TMEM63A: variants seen among roughly 807,000 people sequenced by gnomAD.
TMEM63A encodes mechanosensitive cation channel TMEM63A.
A neutral mutation model predicts 100.6 loss-of-function variants in TMEM63A; 76 were observed. The ratio of observed to expected loss-of-function variants is 0.76; its 90% CI spans 0.63 to 0.91. The LOEUF (loss-of-function observed/expected upper bound fraction) is 0.91. Ranked by LOEUF, TMEM63A falls within the 40% of genes least tolerant of loss-of-function variation. The pLI is 0.00. For synonymous variants in TMEM63A, 401 were observed against 401.1 expected (o/e 1.00, Z 0.00); for missense variants, 876 against 1,008.8 (o/e 0.87, Z 1.78).
chr1:225,877,692 G>A lies in TMEM63A; in HGVS notation c.-14-98C>T, dbSNP rs1039339504. The A allele has an allele frequency of 4.1e-5, 50 of 1,233,478 alleles. 1 individual carries two copies. The African/African-American group carries it at 6.7e-4, about 17-fold the overall frequency. The allele number at this position is 1,233,478 out of a possible 1,614,324, so 76.4% of individuals were successfully genotyped here. On this transcript the variant is annotated intron_variant, in intron 2 of 24. Coordinates refer to ENST00000366835, the MANE Select transcript of TMEM63A (RefSeq NM_014698.3). ...CAGAGCCAAAGGCAGGCGTTTCCCAGGGACTGATCGGGCAGTGAGCCAGCA... is the reference window on the plus strand; with the variant it reads ...CAGAGCCAAAGGCAGGCGTTTCCCAAGGACTGATCGGGCAGTGAGCCAGCA...
At position 225,853,475 on chromosome 1, in the gene TMEM63A, G is replaced by A. The variant is rs1333594579; in HGVS notation, c.1797+154C>T. On this transcript the variant is annotated intron_variant, in intron 19 of 24. Coordinates refer to ENST00000366835, the MANE Select transcript of TMEM63A (RefSeq NM_014698.3). The surrounding 1 kb of genome is among the most constrained non-coding windows in gnomAD (Gnocchi z 4.0). ...AGGAGGCCACGCCTGCCTGGACCCG[G>A]GTTTGAGAAGCACTTAGCCCAGTGC... Among the ~76,000 whole-genome samples the A allele has an allele frequency of 1.3e-5, 2 of 152,116 alleles. No individual in the cohort carries two copies. The highest frequency in any genetic ancestry group is 1.9e-4 in the East Asian group (1 of 5,180).
rs1265667745 is a variant in TMEM63A, at chr1:225,871,120, A to G, written c.334-7T>C. On this transcript the variant is annotated splice_region_variant and splice_polypyrimidine_tract_variant and intron_variant, in intron 5 of 24. Transcript: ENST00000366835. ...TCAGCCAGGGACAGCATCCCTGGAA[A>G]CGGAGAGAACAGGGATTAGCTTCCA... 1 of 1,613,806 alleles carries G rather than the reference A, an allele frequency of 6.2e-7. No individual in the cohort carries two copies.
chr1:225,866,774 G>C, intron 8 of TMEM63A, 92 bp from the exon 9 acceptor site: 1 of 1,139,462 alleles, frequency 8.8e-7, no homozygotes, highest in South Asian at 1.3e-5. Context: ...AGTGGGCACT[G>C]AACTGAGGAC....
At position 225,862,740 on chromosome 1, in the gene TMEM63A, G is replaced by A. The variant is rs1238271220; in HGVS notation, c.827+31C>T. 3 of 1,613,548 alleles carry A rather than the reference G, an allele frequency of 1.9e-6. No homozygotes were observed. The highest frequency in any genetic ancestry group is 2.5e-6 in the Non-Finnish European group (3 of 1,179,836). On this transcript the variant is annotated intron_variant, in intron 11 of 24. Transcript: ENST00000366835. The surrounding 1 kb of genome is among the most constrained non-coding windows in gnomAD (Gnocchi z 5.1). ...GATGCGAGGCCAGCAAGGAAGGAGG[G>A]GGCATCTTGCAAGGCCCGCCCACCA...
rs1381758802 is a variant in TMEM63A, at chr1:225,847,134, T to C, written c.2330A>G (p.Tyr777Cys). The C allele has an allele frequency of 4.3e-6, 7 of 1,613,734 alleles. No homozygotes were observed. The highest frequency in any genetic ancestry group is 5.9e-6 in the Non-Finnish European group (7 of 1,180,020). The change falls in exon 24 of 25, where the codon TAT becomes TGT. Residue 777 changes from tyrosine (Y) to cysteine (C), a missense_variant. Coordinates refer to ENST00000366835, the MANE Select transcript of TMEM63A (RefSeq NM_014698.3). The stretch of plus-strand genomic sequence containing the variant: ...CCCGCTGATGTTGTGGATGGCACCA[T>C]AGGTCTGCTGCTGCTGCTGCTGCGG... ...LSPQQQQQQT[Y>C]GAIHNISGTI...
intron 1 of TMEM63A, among the ~76,000 whole-genome samples, chr1:225,880,376 G>A (rs1483701921): frequency 3.3e-5 from 5 of 152,124 alleles, no homozygotes; most frequent in African/African-American, 4.8e-5. Context: ...AAACAGGCAC[G>A]CTCTGAGCAG....
intron 15 of TMEM63A, among the ~76,000 whole-genome samples, chr1:225,858,948 ATGTGTGTGTGTGTGTGTGTG>A (rs57543496): frequency 3.6e-4 from 50 of 139,754 alleles, no homozygotes; most frequent in Middle Eastern, 3.6e-3. Flanking sequence ...TATACATATA[ATGTGTGTGTGTGTGTGTGTG>A]TGTGTGTGTG....
rs1669173792 is a variant in TMEM63A at position 225,848,939 on chromosome 1, G to A, written c.2145C>T (p.Thr715=). Residue 715 remains threonine, a synonymous_variant, in exon 22 of 25, where the codon ACC becomes ACT. Coordinates refer to ENST00000366835, the MANE Select transcript of TMEM63A (RefSeq NM_014698.3). The stretch of plus-strand genomic sequence containing the variant: ...TGAGGTGCTTGAAGCATCCAAAGCA[G>A]GTGTGAGCCAGGCAGACCAGGATGG... ...LLTILVCLAH[T]CFGCFKHLSP... 6.2e-7 allele frequency: 1 copy of A among 1,604,794 alleles called. No individual in the cohort carries two copies. Among genetic ancestry groups the A allele is most frequent in the East Asian group, 2.2e-5 (1 of 44,582 alleles).
intron 13 of TMEM63A, chr1:225,861,217 G>T (rs1053217859): frequency 6.2e-5 from 25 of 400,346 alleles, no homozygotes; most frequent in African/African-American, 4.9e-4. Context: ...AAGGGAGTAC[G>T]ATTCCCATTT....
chr1:225,865,183 C>G lies in TMEM63A; in HGVS notation c.746+714G>C, dbSNP rs759073066. 6.6e-6 allele frequency: 1 copy of G among 152,360 alleles called. No individual in the cohort carries two copies. The highest frequency in any genetic ancestry group is 1.5e-5 in the Non-Finnish European group (1 of 68,184). 9.4% of individuals were successfully genotyped at this position (152,360 alleles called of 1,614,324 possible). On this transcript the variant is annotated intron_variant, in intron 10 of 24. Transcript: ENST00000366835. This position sits in a 1 kb window ranked among gnomAD's most constrained non-coding sequence, Gnocchi z 4.6. The stretch of plus-strand genomic sequence containing the variant: ...ATAAAATGTCAGCTCCTCAGCCCAG[C>G]CTTCAGGTCCTCCAGCATGGGGTCC...
chr1:225,872,621 C>T (rs1286461152), intron 4 of TMEM63A, among the ~76,000 whole-genome samples: 1 of 151,908 alleles, frequency 6.6e-6, no homozygotes, highest in Non-Finnish European at 1.5e-5. Context: ...TGCGAGTACC[C>T]CCATAAAAAC....
At chr1:225,870,972 C>T (rs770696715) in intron 6 of TMEM63A, 104 bp downstream of exon 6, 155 of 1,206,204 alleles carry the variant, frequency 1.3e-4, no homozygotes, top group Non-Finnish European at 1.7e-4. Context: ...ATCTAAGAGA[C>T]ACCATCTTAA....
rs747965413 is a variant in TMEM63A, at chr1:225,867,209, C to G, written c.515-46G>C. 1.2e-6 allele frequency: 2 copies of G among 1,600,410 alleles called. No homozygotes were observed. The highest frequency in any genetic ancestry group is 1.1e-5 in the South Asian group (1 of 90,832). The stretch of plus-strand genomic sequence containing the variant: ...TTAGTTCCAGGGTCATGTGGGGAAG[C>G]AGGAGGGGGCGTAACCAATCAGCCT... On this transcript the variant is annotated intron_variant, in intron 7 of 24. Transcript: ENST00000366835. The surrounding 1 kb of genome is among the most constrained non-coding windows in gnomAD (Gnocchi z 4.6).
At chr1:225,845,364 C>T (rs374252395), downstream of TMEM63A, 348 of 1,563,938 alleles carry the variant, frequency 2.2e-4, 2 homozygotes, top group Middle Eastern at 3.0e-3. Context: ...CCTCTCCCCC[C>T]GCCTGCCACC....
chr1:225,869,004 G>C (rs138020999), intron 6 of TMEM63A, among the ~76,000 whole-genome samples: 38 of 152,214 alleles, frequency 2.5e-4, no homozygotes, highest in African/African-American at 8.7e-4. Flanking sequence ...CCCTGAAGGC[G>C]CTACTTCTAG....
In TMEM63A at chr1:225,860,992, A is replaced by C. The variant is rs1264332566; in HGVS notation, c.1091T>G (p.Leu364Arg). ...FQEKSMATYI[L>R]KDFNACKCQS... ...ACACTTGCAGGCATTGAAATCTTTC[A>C]GGATGCTGCAAGGAAATGTAGCAAC... is the stretch of plus-strand genomic sequence containing the variant. Residue 364 changes from leucine to arginine, a missense_variant, in exon 14 of 25, where the codon CTG (leucine) becomes CGG (arginine). This residue lies in a region of TMEM63A where 487 missense variants were observed against 581.9 expected (regional missense o/e 0.84). Coordinates refer to ENST00000366835, the MANE Select transcript of TMEM63A (RefSeq NM_014698.3). The C allele has an allele frequency of 6.2e-7, 1 of 1,609,478 alleles. No individual in the cohort carries two copies. Among genetic ancestry groups the C allele is most frequent in the Non-Finnish European group, 8.5e-7 (1 of 1,177,780 alleles).
downstream of TMEM63A, chr1:225,844,713 GGGATAAGTATAGCCTTGCCTGCA>G (rs1157855605): frequency 4.4e-6 from 7 of 1,576,514 alleles, no homozygotes; most frequent in African/African-American, 9.4e-5. Context: ...ACTTGGTGGT[GGGATAAGTATAGCCTTGCCTGCA>G]GGTGCCCCAG....
chr1:225,877,983 A>G (rs1158389992), intron 2 of TMEM63A, among the ~76,000 whole-genome samples: 1 of 152,004 alleles, frequency 6.6e-6, no homozygotes, highest in Non-Finnish European at 1.5e-5. Context: ...CCACTGGCGG[A>G]TCTAGAGTAC....
chr1:225,855,773 A>G (rs3738051), intron 18 of TMEM63A, 105 bp downstream of exon 18: 53,928 of 1,155,110 alleles, frequency 0.047, 1,727 homozygotes, highest in East Asian at 0.15. Context: ...ATGCCTGTTC[A>G]GAAGCATAGG....
Sources: gnomAD v4.1 joint callset for allele counts (sites outside exome capture counted in the v4.1 genomes callset) on GRCh38, gnomAD v4.1.1 for gene constraint, gnomAD v4.1.1 regional missense constraint, Gnocchi (gnomAD v3.1) non-coding constraint, MANE v1.5 for transcripts, NCBI Gene and HGNC (gene_info 2026-07-23, HGNC 2026-07-21) for gene names.